TRABD2B: variants seen among roughly 807,000 people sequenced by gnomAD.
The protein encoded by TRABD2B is TraB domain containing 2B.
A neutral mutation model predicts 40.1 loss-of-function variants in TRABD2B; 14 were observed. The observed-to-expected ratio is 0.35, with a 90% CI of 0.23 to 0.55. TRABD2B has a LOEUF of 0.55. TRABD2B is among the 20% of genes least tolerant of loss of function. TRABD2B has a pLI of 0.90. For missense variants in TRABD2B, 541 were observed against 648.6 expected (o/e 0.83, Z 1.80); for synonymous variants, 263 against 277.0 (o/e 0.95, Z 0.50).
In TRABD2B at chr1:47,762,438, A is replaced by C. The variant is rs561935532; in HGVS notation, c.*3464T>G. ...TTGTCCTTCACAGCATTTTCAATAG[A>C]CTTTCCTTTTGGTAGAAGGACTTTC... On this transcript the variant is annotated 3_prime_UTR_variant, in exon 7 of 7. Transcript: ENST00000606738. 1 of 152,220 alleles carries C rather than the reference A, an allele frequency of 6.6e-6. No individual in the cohort carries two copies. The highest frequency in any genetic ancestry group is 2.1e-4 in the South Asian group (1 of 4,808). The allele number at this position is 152,220 out of a possible 1,614,324, so 9.4% of individuals were successfully genotyped here. A position where few individuals can be genotyped will look rare whatever the true frequency, so the allele number is the denominator to read the frequency against.
intron 2 of TRABD2B, among the ~76,000 whole-genome samples, chr1:47,868,314 GAAGA>G (rs1230371093): frequency 6.6e-6 from 1 of 152,186 alleles, no homozygotes; most frequent in Non-Finnish European, 1.5e-5. Flanking sequence ...ACTTTTCAGT[GAAGA>G]AAGAAAGGAC....
At chr1:47,954,139 A>G (rs956778358) in intron 2 of TRABD2B, among the ~76,000 whole-genome samples, 3 of 152,180 alleles carry the variant, frequency 2.0e-5, no homozygotes, top group African/African-American at 7.2e-5. Context: ...ACAGATTCAA[A>G]TCACGGTAGA....
intron 2 of TRABD2B, among the ~76,000 whole-genome samples, chr1:47,842,063 C>G (rs915828604): frequency 5.9e-5 from 9 of 152,156 alleles, no homozygotes; most frequent in Non-Finnish European, 1.2e-4. Context: ...TGAACCACTG[C>G]GCCTGGCCGA....
In TRABD2B at chr1:47,996,646, A is replaced by G; in HGVS notation, c.102+42T>C. ...AACCATGGTCCCACGGGACTAGAAT[A>G]CCCAGGCAGGCGGGAGAGTGGCCGG... On this transcript the variant is annotated intron_variant, in intron 1 of 6. Coordinates refer to ENST00000606738, the MANE Select transcript of TRABD2B (RefSeq NM_001194986.2). This position sits in a 1 kb window ranked among gnomAD's most constrained non-coding sequence, Gnocchi z 4.6. 8.2e-7 allele frequency: 1 copy of G among 1,224,336 alleles called. No individual in the cohort carries two copies. The highest frequency in any genetic ancestry group is 1.0e-6 in the Non-Finnish European group (1 of 982,026). 75.8% of individuals were successfully genotyped at this position (1,224,336 alleles called of 1,614,324 possible). A position where few individuals can be genotyped will look rare whatever the true frequency, so the allele number is the denominator to read the frequency against.
At chr1:47,808,111 T>C (rs1238997108) in intron 2 of TRABD2B, among the ~76,000 whole-genome samples, 1 of 152,238 alleles carries the variant, frequency 6.6e-6, no homozygotes, top group Non-Finnish European at 1.5e-5. Context: ...ATAACGTAGG[T>C]GGGCTTCATC....
intron 2 of TRABD2B, 29 bp from the exon 3 acceptor site, chr1:47,801,648 G>A: frequency 6.5e-6 from 10 of 1,532,548 alleles, no homozygotes; most frequent in Non-Finnish European, 8.7e-6. Context: ...GAGGAATGAG[G>A]GCTGTGCTCA....
intron 4 of TRABD2B, among the ~76,000 whole-genome samples, chr1:47,791,833 C>A (rs1223119634): frequency 5.9e-5 from 9 of 152,206 alleles, no homozygotes; most frequent in Non-Finnish European, 1.3e-4. Context: ...AACAGGCCCG[C>A]TGGGGTGGCT....
chr1:47,876,857 T>C (rs1372207231), intron 2 of TRABD2B, among the ~76,000 whole-genome samples: 1 of 152,142 alleles, frequency 6.6e-6, no homozygotes, highest in Non-Finnish European at 1.5e-5. Flanking sequence ...AGGTCATTCA[T>C]GCATTCGTTC....
intron 2 of TRABD2B, among the ~76,000 whole-genome samples, chr1:47,839,183 G>A (rs539527625): frequency 5.3e-4 from 80 of 152,216 alleles, no homozygotes; most frequent in Middle Eastern, 3.4e-3. Flanking sequence ...AGCGTTACCC[G>A]AGAGGTCACA....
chr1:47,954,295 T>C (rs1322676262), intron 2 of TRABD2B, among the ~76,000 whole-genome samples: 1 of 152,158 alleles, frequency 6.6e-6, no homozygotes, highest in East Asian at 1.9e-4. Flanking sequence ...ACCCAGGGGC[T>C]TTTCCAGGCC....
In TRABD2B at chr1:47,927,271, T is replaced by C. The variant is rs1644982483; in HGVS notation, c.666+66763A>G. On this transcript the variant is annotated intron_variant, in intron 2 of 6. Coordinates refer to ENST00000606738, the MANE Select transcript of TRABD2B (RefSeq NM_001194986.2). Reference sequence around the variant, plus strand: ...GGTGCCGGGTGCAGCCTTCCTGCTCTGGCTGAGTCAGTCTTGCAGCCCCGT... The same window carrying C: ...GGTGCCGGGTGCAGCCTTCCTGCTCCGGCTGAGTCAGTCTTGCAGCCCCGT... Among the ~76,000 whole-genome samples, 3 of 152,224 alleles carry C rather than the reference T, an allele frequency of 2.0e-5. No individual in the cohort carries two copies. In the South Asian group the frequency reaches 6.2e-4, roughly 32 times the overall value.
At chr1:47,960,165 C>T (rs1414872250) in intron 2 of TRABD2B, among the ~76,000 whole-genome samples, 1 of 152,160 alleles carries the variant, frequency 6.6e-6, no homozygotes, top group Non-Finnish European at 1.5e-5. Context: ...AATGCAACAG[C>T]CCCTCATGCT....
intron 2 of TRABD2B, among the ~76,000 whole-genome samples, chr1:47,961,479 T>A (rs1012057872): frequency 1.3e-5 from 2 of 152,220 alleles, no homozygotes; most frequent in African/African-American, 4.8e-5. Context: ...ACAGGGCTAA[T>A]ATCCAGAATC....
At chr1:47,868,499 TGAGC>T (rs1644092246) in intron 2 of TRABD2B, among the ~76,000 whole-genome samples, 1 of 152,146 alleles carries the variant, frequency 6.6e-6, no homozygotes, top group African/African-American at 2.4e-5. Context: ...AGTGGGCAAG[TGAGC>T]GAGCATTACC....
chr1:47,856,422 GGGCTGGGT>G (rs1433768464), intron 2 of TRABD2B, among the ~76,000 whole-genome samples: 1 of 152,250 alleles, frequency 6.6e-6, no homozygotes, highest in Non-Finnish European at 1.5e-5. Flanking sequence ...AATAATGAAA[GGGCTGGGT>G]GGATGAATGC....
At chr1:47,977,886 C>T (rs1227343695) in intron 2 of TRABD2B, among the ~76,000 whole-genome samples, 5 of 151,772 alleles carry the variant, frequency 3.3e-5, no homozygotes, top group Admixed American at 6.6e-5. Context: ...CTGGTTCAGC[C>T]CTGATTTCAT....
chr1:47,794,578 G>T lies in TRABD2B; in HGVS notation c.988+8C>A, dbSNP rs574215442. ...TGCAAACAATCCCTTCCCCACACTGGCCCAAACCTGCTCCGAAGGCAAAGA... is the reference window on the plus strand; with the variant it reads ...TGCAAACAATCCCTTCCCCACACTGTCCCAAACCTGCTCCGAAGGCAAAGA... On this transcript the variant is annotated splice_region_variant and intron_variant, in intron 4 of 6. Coordinates refer to ENST00000606738, the MANE Select transcript of TRABD2B (RefSeq NM_001194986.2). 38 of 1,524,622 alleles carry T rather than the reference G, an allele frequency of 2.5e-5. No individual in the cohort carries two copies. The South Asian group carries it at 3.5e-4, about 14-fold the overall frequency. The allele number at this position is 1,524,622 out of a possible 1,614,324, so 94.4% of individuals were successfully genotyped here.
At chr1:47,858,195 T>C (rs1643915201) in intron 2 of TRABD2B, among the ~76,000 whole-genome samples, 1 of 148,074 alleles carries the variant, frequency 6.8e-6, no homozygotes, top group Admixed American at 6.8e-5. Context: ...TCATTCATTC[T>C]TTATTTTACT....
At chr1:47,818,980 G>C (rs1251316719) in intron 2 of TRABD2B, 2 of 152,162 alleles carry the variant, frequency 1.3e-5, no homozygotes, top group Non-Finnish European at 2.9e-5. Flanking sequence ...CCAGGGCCTG[G>C]GCTTTTCATT....
Sources: allele counts gnomAD v4.1 joint callset (sites outside exome capture counted in the v4.1 genomes callset), GRCh38; gene constraint gnomAD v4.1.1; non-coding constraint Gnocchi (gnomAD v3.1); transcripts MANE v1.5; gene names NCBI Gene and HGNC (gene_info 2026-07-23, HGNC 2026-07-21).